Variants in NBAS observed in about 807,000 individuals in gnomAD.
NBAS encodes NBAS subunit of NRZ tethering complex.
A neutral mutation model predicts 302.5 loss-of-function variants in NBAS; 219 were observed. The ratio of observed to expected loss-of-function variants is 0.72; its 90% CI spans 0.65 to 0.81. The LOEUF (loss-of-function observed/expected upper bound fraction) is 0.81, where lower values mean the gene tolerates loss of function less well. NBAS is among the 30% of genes least tolerant of loss of function. NBAS has a pLI of 0.00. For missense variants in NBAS, 2,932 were observed against 2,841.6 expected, an observed-to-expected ratio of 1.03 and a Z score of -0.72; for synonymous variants, 1,118 against 1,021.6, an observed-to-expected ratio of 1.09 and a Z score of -1.80.
rs375818821 is a variant in NBAS at position 15,374,668 on chromosome 2, C to T, written c.3643G>A (p.Asp1215Asn). ...AGACATCCAACGGCTTGGATAAGAT[C>T]TAGCTCCTCTTGAATGGCAGGGGGT... ...DRPPAIQEEL[D>N]LIQAVGCLEE... Residue 1215 changes from aspartate to asparagine, a missense_variant, in exon 31 of 52, where the codon GAT (aspartate) becomes AAT (asparagine). By Grantham distance (23) the Asp-to-Asn change is conservative. Coordinates refer to ENST00000281513, the MANE Select transcript of NBAS (RefSeq NM_015909.4). The T allele has an allele frequency of 3.8e-5, 61 of 1,613,998 alleles. No individual in the cohort carries two copies. In the African/African-American group the frequency reaches 5.7e-4, roughly 15 times the overall value.
intron 9 of NBAS, among the ~76,000 whole-genome samples, chr2:15,532,254 C>A (rs1256570518): frequency 6.6e-6 from 1 of 151,934 alleles, no homozygotes; most frequent in African/African-American, 2.4e-5. Flanking sequence ...CTTTGGGAGG[C>A]CGAGGTGGGC....
chr2:15,496,681 AG>A (rs1681087199), intron 11 of NBAS, among the ~76,000 whole-genome samples: 1 of 152,060 alleles, frequency 6.6e-6, no homozygotes, highest in South Asian at 2.1e-4. Context: ...GGAAGGAAGA[AG>A]GTGCAAAAAG....
At chr2:15,061,169 G>A in the NBAS span, among the ~76,000 whole-genome samples, 6 of 152,140 alleles carry the variant, frequency 3.9e-5, no homozygotes, top group Non-Finnish European at 7.3e-5. Flanking sequence ...TGGTATAAAC[G>A]TAAGTCTTTT....
the NBAS span, among the ~76,000 whole-genome samples, chr2:14,786,257 C>T: frequency 0.01 from 1,577 of 151,986 alleles, 29 homozygotes; most frequent in African/African-American, 0.035. Context: ...TTTTGTTGAT[C>T]CTTTCAAAAA....
the NBAS span, among the ~76,000 whole-genome samples, chr2:15,081,889 G>C: frequency 2.8e-3 from 424 of 152,324 alleles, 1 homozygote; most frequent in Non-Finnish European, 5.4e-3. Flanking sequence ...ACATTGGCTG[G>C]AGTCAGGCAC....
chr2:14,814,906 C>T, the NBAS span, among the ~76,000 whole-genome samples: 94 of 152,262 alleles, frequency 6.2e-4, no homozygotes, highest in Non-Finnish European at 1.2e-3. Context: ...TGGTTTCTAA[C>T]TGTTTAGCAC....
intron 47 of NBAS, among the ~76,000 whole-genome samples, chr2:15,223,735 A>G (rs1351427233): frequency 6.6e-6 from 1 of 151,960 alleles, no homozygotes; most frequent in African/African-American, 2.4e-5. Flanking sequence ...AGGCTGAGGC[A>G]GGAGAATCGC....
the NBAS span, among the ~76,000 whole-genome samples, chr2:14,966,263 G>A: frequency 0.015 from 2,321 of 152,324 alleles, 54 homozygotes; most frequent in African/African-American, 0.05. Flanking sequence ...ACGGCAGCCC[G>A]AGGAAACTAG....
the NBAS span, among the ~76,000 whole-genome samples, chr2:14,837,017 A>G: frequency 5.0e-4 from 76 of 151,978 alleles, no homozygotes; most frequent in Non-Finnish European, 9.4e-4. Flanking sequence ...TCTATTAGCA[A>G]CCTTGCTAAA....
At chr2:15,288,895 C>A (rs1256583932) in intron 41 of NBAS, among the ~76,000 whole-genome samples, 1 of 152,236 alleles carries the variant, frequency 6.6e-6, no homozygotes, top group African/African-American at 2.4e-5. Context: ...TCAGGCTTTA[C>A]TGCCAGTCTC....
At chr2:15,258,556 G>T (rs1003662674) in intron 44 of NBAS, among the ~76,000 whole-genome samples, 2 of 152,118 alleles carry the variant, frequency 1.3e-5, no homozygotes, top group African/African-American at 2.4e-5. Flanking sequence ...CTCTGGGAGT[G>T]TCTGTCCTAC....
rs189245412 is a variant in NBAS, at chr2:15,242,859, G to A, written c.5725-4173C>T. Among the ~76,000 whole-genome samples, 20 of 152,016 alleles carry A rather than the reference G, an allele frequency of 1.3e-4. No individual in the cohort carries two copies. The East Asian group carries it at 3.9e-3, about 29-fold the overall frequency. ...TGAAATAAAGATAAGTGGCTAAACC[G>A]TTTCATCAGTTAATAAATAGGTACT... On this transcript the variant is annotated intron_variant, in intron 44 of 51. Coordinates refer to ENST00000281513, the MANE Select transcript of NBAS (RefSeq NM_015909.4).
At chr2:15,357,021 T>C (rs887509539) in intron 32 of NBAS, among the ~76,000 whole-genome samples, 1 of 152,200 alleles carries the variant, frequency 6.6e-6, no homozygotes, top group Non-Finnish European at 1.5e-5. Flanking sequence ...TCCTCCACTC[T>C]GGATATCTGG....
At chr2:14,863,814 A>C in the NBAS span, among the ~76,000 whole-genome samples, 1 of 152,254 alleles carries the variant, frequency 6.6e-6, no homozygotes, top group African/African-American at 2.4e-5. Context: ...TTTGTAGACA[A>C]GGAAACTGAG....
intron 32 of NBAS, among the ~76,000 whole-genome samples, chr2:15,358,438 C>T (rs1354042916): frequency 6.6e-6 from 1 of 151,752 alleles, no homozygotes; most frequent in East Asian, 1.9e-4. Context: ...GCGCGTGTGC[C>T]CGTGTGCATG....
At chr2:15,407,592 T>C (rs1213736009) in intron 25 of NBAS, among the ~76,000 whole-genome samples, 1 of 152,178 alleles carries the variant, frequency 6.6e-6, no homozygotes, top group African/African-American at 2.4e-5. Flanking sequence ...CATATCACAG[T>C]ACTGCAAATT....
chr2:14,923,235 G>A, the NBAS span, among the ~76,000 whole-genome samples: 1 of 151,502 alleles, frequency 6.6e-6, no homozygotes, highest in African/African-American at 2.4e-5. Context: ...ATTACTATAA[G>A]TCAATGTTGT....
At chr2:15,453,162 T>C (rs1284379280) in intron 21 of NBAS, among the ~76,000 whole-genome samples, 1 of 152,092 alleles carries the variant, frequency 6.6e-6, no homozygotes, top group Non-Finnish European at 1.5e-5. Flanking sequence ...CTGGAGACCC[T>C]GAATTTCCTG....
chr2:15,399,472 C>A (rs1676041594), intron 26 of NBAS, among the ~76,000 whole-genome samples: 1 of 152,088 alleles, frequency 6.6e-6, no homozygotes, highest in Non-Finnish European at 1.5e-5. Context: ...AGTTTACCTG[C>A]CTTTGGCTGC....
Sources: allele counts gnomAD v4.1 joint callset (sites outside exome capture counted in the v4.1 genomes callset), GRCh38; gene constraint gnomAD v4.1.1; transcripts MANE v1.5; gene names NCBI Gene and HGNC (gene_info 2026-07-23, HGNC 2026-07-21).